Variants in POLN observed in about 807,000 individuals in gnomAD.
POLN encodes the protein DNA polymerase N.
In POLN, 108 loss-of-function variants were observed where a neutral mutation model predicts 113.5. That is an observed-to-expected ratio of 0.95 (90% CI 0.81 to 1.12). The LOEUF is 1.12. Ranked by LOEUF, POLN falls within the 50% of genes most tolerant of loss-of-function variation. The pLI, the probability that POLN is intolerant of heterozygous loss-of-function variation, is 0.00. For synonymous variants in POLN, 386 were observed against 391.5 expected (o/e 0.99, Z 0.17); for missense variants, 1,097 against 1,077.1 (o/e 1.02, Z -0.26).
At position 2,126,335 on chromosome 4, in the gene POLN, A is replaced by G. The variant is rs899493264; in HGVS notation, c.1982+1778T>C. ...TCTTCCTGAATTTTGTCATTCAAGT[A>G]AGAGTCCTGTGGTGGTAGCCTTTTT... On this transcript the variant is annotated intron_variant, in intron 19 of 25. Transcript: ENST00000511885. The surrounding 1 kb of genome is among the most constrained non-coding windows in gnomAD (Gnocchi z 4.6). Among the ~76,000 whole-genome samples the G allele has an allele frequency of 1.3e-5, 2 of 152,234 alleles. No homozygotes were observed. Among genetic ancestry groups the G allele is most frequent in the Non-Finnish European group, 2.9e-5 (2 of 68,030 alleles).
rs7660141 is a variant in POLN, at chr4:2,185,204, A to G, written c.1022-5739T>C. ...TATATACCTCCTGACAAACGTATAC[A>G]ACACTTATGTAGTCTTTCTCTCCCA... On this transcript the variant is annotated intron_variant, in intron 7 of 25. Coordinates refer to ENST00000511885, the MANE Select transcript of POLN (RefSeq NM_181808.4). Among the ~76,000 whole-genome samples, 1,286 of 152,362 alleles carry G rather than the reference A, an allele frequency of 8.4e-3. 22 individuals carry two copies. The highest frequency in any genetic ancestry group is 0.029 in the African/African-American group (1,223 of 41,582).
intron 14 of POLN, among the ~76,000 whole-genome samples, chr4:2,158,875 G>A (rs770815736): frequency 2.6e-5 from 4 of 152,156 alleles, no homozygotes; most frequent in Non-Finnish European, 4.4e-5. Context: ...CCTGCACACC[G>A]ACGACACACA....
intron 3 of POLN, among the ~76,000 whole-genome samples, chr4:2,221,059 G>A (rs927772504): frequency 6.6e-6 from 1 of 152,070 alleles, no homozygotes; most frequent in Non-Finnish European, 1.5e-5. Flanking sequence ...CAGCAAAGGT[G>A]GGGGGAAGCG....
rs771462226 is a variant in POLN, at chr4:2,123,624, CAAAAAAA to C, written c.1982+4482_1982+4488del. 3.5e-4 allele frequency among the ~76,000 whole-genome samples: 19 copies of C among 54,966 alleles called. 1 individual carries two copies. In the South Asian group the frequency reaches 3.8e-3, roughly 11 times the overall value. The allele number at this position is 54,966 out of a possible 152,430, so 36.1% of individuals were successfully genotyped here. On this transcript the variant is annotated intron_variant, in intron 19 of 25. Coordinates refer to ENST00000511885, the MANE Select transcript of POLN (RefSeq NM_181808.4). Reference sequence around the variant, plus strand: ...TGGGCGACAGGGTGAGACCCTGTCTCAAAAAAAAAAAAAAAAAAAAAGAAAAAAAAAT... The same window carrying C: ...TGGGCGACAGGGTGAGACCCTGTCTCAAAAAAAAAAAAAAGAAAAAAAAAT...
At chr4:2,146,314 T>C (rs1351753192) in intron 16 of POLN, among the ~76,000 whole-genome samples, 1 of 150,508 alleles carries the variant, frequency 6.6e-6, no homozygotes, top group Non-Finnish European at 1.5e-5. Flanking sequence ...CAGACCAGCC[T>C]GGCTAACATG....
Position 2,081,547 on chromosome 4 carries a change from T to A in POLN, c.2308+86A>T, listed in dbSNP as rs1264407787. The A allele has an allele frequency of 3.9e-6, 5 of 1,273,338 alleles. No homozygotes were observed. The African/African-American group carries it at 7.4e-5, about 19-fold the overall frequency. 78.9% of individuals were successfully genotyped at this position (1,273,338 alleles called of 1,614,324 possible). ...TGATGAGCAGGAAATACCGCAACAG[T>A]GATCGGTGGGTGCCACCCAGCCCTG... On this transcript the variant is annotated intron_variant, in intron 22 of 25. Transcript: ENST00000511885.
chr4:2,076,398 C>T (rs1326590577), intron 23 of POLN: 1 of 152,520 alleles, frequency 6.6e-6, no homozygotes, highest in East Asian at 1.9e-4. Context: ...GATGTGAGAC[C>T]TCTGCTGAGG....
chr4:2,241,118 A>G, intron 2 of POLN: 1 of 554,470 alleles, frequency 1.8e-6, no homozygotes, highest in Non-Finnish European at 3.1e-6. Context: ...AACAAGTATT[A>G]GACCACAAAT....
chr4:2,169,201 G>T (rs1244277382), intron 13 of POLN, among the ~76,000 whole-genome samples: 1 of 152,190 alleles, frequency 6.6e-6, no homozygotes, highest in African/African-American at 2.4e-5. Context: ...GCACGGGCCT[G>T]GGGATACGCT....
intron 20 of POLN, chr4:2,089,318 T>C: frequency 7.2e-7 from 1 of 1,390,414 alleles, no homozygotes; most frequent in Non-Finnish European, 9.9e-7. Flanking sequence ...ATAGATCCTG[T>C]TAATTCTGAT....
chr4:2,204,147 CA>C (rs1733786859), intron 5 of POLN, among the ~76,000 whole-genome samples: 1 of 84,078 alleles, frequency 1.2e-5, no homozygotes, highest in Non-Finnish European at 2.6e-5. Flanking sequence ...ATAAATGAAA[CA>C]AAAGGCTGGT....
intron 7 of POLN, 38 bp from the exon 8 acceptor site, chr4:2,179,503 A>C (rs1208330999): frequency 1.3e-6 from 2 of 1,596,318 alleles, no homozygotes; most frequent in Non-Finnish European, 1.7e-6. Context: ...CCCAAGAAAA[A>C]CCAATAGTTG....
chr4:2,156,362 A>C lies in POLN; in HGVS notation c.1731+426T>G, dbSNP rs567168204. On this transcript the variant is annotated intron_variant, in intron 16 of 25. Coordinates refer to ENST00000511885, the MANE Select transcript of POLN (RefSeq NM_181808.4). ...TGATGCAAGCTGCATCATAAGTTCAAGGGAATTTAGAGCTTTTTTTTTTTT... is the reference window on the plus strand; with the variant it reads ...TGATGCAAGCTGCATCATAAGTTCACGGGAATTTAGAGCTTTTTTTTTTTT... The C allele has an allele frequency of 6.3e-4, 267 of 424,584 alleles. 2 individuals carry two copies. The highest frequency in any genetic ancestry group is 3.7e-3 in the South Asian group (224 of 60,756). The allele number at this position is 424,584 out of a possible 1,614,324, so 26.3% of individuals were successfully genotyped here. A position where few individuals can be genotyped will look rare whatever the true frequency, so the allele number is the denominator to read the frequency against.
chr4:2,175,574 T>A (rs1577742356), intron 9 of POLN, among the ~76,000 whole-genome samples: 1 of 152,240 alleles, frequency 6.6e-6, no homozygotes, highest in East Asian at 1.9e-4. Flanking sequence ...TCTCTATTTA[T>A]CCGGGCCTTC....
chr4:2,238,058 TGAG>T (rs1017924002), intron 2 of POLN, among the ~76,000 whole-genome samples: 4 of 152,128 alleles, frequency 2.6e-5, no homozygotes, highest in African/African-American at 9.7e-5. Context: ...TGGAGAAAAA[TGAG>T]GAGTAGGAGA....
At chr4:2,182,282 A>G (rs1733162221) in intron 7 of POLN, among the ~76,000 whole-genome samples, 1 of 152,234 alleles carries the variant, frequency 6.6e-6, no homozygotes, top group Non-Finnish European at 1.5e-5. Context: ...TTATGGTAGG[A>G]ATCTTGAGAT....
chr4:2,163,707 G>A (rs777280138), intron 13 of POLN, among the ~76,000 whole-genome samples: 7 of 152,358 alleles, frequency 4.6e-5, no homozygotes, highest in South Asian at 2.1e-4. Flanking sequence ...ATTCTGACTC[G>A]TGGGATCAGC....
intron 7 of POLN, among the ~76,000 whole-genome samples, chr4:2,186,295 G>T (rs946837853): frequency 6.6e-6 from 1 of 152,156 alleles, no homozygotes; most frequent in Non-Finnish European, 1.5e-5. Context: ...ATATCCCTGA[G>T]GACAGCCAGA....
intron 9 of POLN, among the ~76,000 whole-genome samples, chr4:2,175,782 T>C (rs1290058555): frequency 2.0e-5 from 3 of 152,184 alleles, no homozygotes; most frequent in Non-Finnish European, 2.9e-5. Flanking sequence ...AGATGGGGCA[T>C]AGGGGGCAGG....
Sources: allele counts gnomAD v4.1 joint callset (sites outside exome capture counted in the v4.1 genomes callset), GRCh38; gene constraint gnomAD v4.1.1; non-coding constraint Gnocchi (gnomAD v3.1); transcripts MANE v1.5; gene names NCBI Gene and HGNC (gene_info 2026-07-23, HGNC 2026-07-21).